SLC24A2: variants seen among roughly 807,000 people sequenced by gnomAD.
SLC24A2 encodes the protein sodium/potassium/calcium exchanger 2.
A neutral mutation model predicts 62.0 loss-of-function variants in SLC24A2; 36 were observed. That is an observed-to-expected ratio of 0.58 (90% confidence interval 0.44 to 0.77). The LOEUF is 0.77. Ranked by LOEUF, SLC24A2 falls within the 30% of genes least tolerant of loss-of-function variation. The pLI, the probability that SLC24A2 is intolerant of heterozygous loss-of-function variation, is 0.00. For missense variants in SLC24A2, 846 were observed against 817.9 expected (o/e 1.03, Z -0.42); for synonymous variants, 358 against 294.0 (o/e 1.22, Z -2.23).
In SLC24A2 at chr9:19,530,297, C is replaced by G. The variant is rs187145230; in HGVS notation, c.1480-2159G>C. 7.2e-5 allele frequency among the ~76,000 whole-genome samples: 11 copies of G among 152,162 alleles called. No individual in the cohort carries two copies. In the East Asian group the frequency reaches 1.4e-3, roughly 19 times the overall value. On this transcript the variant is annotated intron_variant, in intron 8 of 10. Transcript: ENST00000341998. ...TACAGGAAAGAGAAGAACCCTCTTGCCACGTGGGGTCACGTGTGTGATTAG... is the reference window on the plus strand; with the variant it reads ...TACAGGAAAGAGAAGAACCCTCTTGGCACGTGGGGTCACGTGTGTGATTAG...
chr9:20,258,017 C>T, the SLC24A2 span, among the ~76,000 whole-genome samples: 2 of 152,080 alleles, frequency 1.3e-5, no homozygotes, highest in Non-Finnish European at 2.9e-5. Context: ...CAATAGTGTC[C>T]TTACCTTAAA....
the SLC24A2 span, among the ~76,000 whole-genome samples, chr9:20,149,876 C>T: frequency 6.6e-6 from 1 of 151,920 alleles, no homozygotes; most frequent in African/African-American, 2.4e-5. Context: ...GCTACGGATA[C>T]AGCCCCTTCC....
chr9:19,721,668 C>T (rs1284299326), intron 2 of SLC24A2, among the ~76,000 whole-genome samples: 2 of 152,118 alleles, frequency 1.3e-5, no homozygotes, highest in Admixed American at 1.3e-4. Flanking sequence ...ATTTCAGATG[C>T]TTTATGTGTC....
chr9:19,816,964 C>G, the SLC24A2 span, among the ~76,000 whole-genome samples: 4 of 152,064 alleles, frequency 2.6e-5, no homozygotes, highest in Non-Finnish European at 5.9e-5. Context: ...CCATGATGTA[C>G]CACAGCATGT....
intron 8 of SLC24A2, among the ~76,000 whole-genome samples, chr9:19,537,311 T>C (rs1463314777): frequency 3.1e-5 from 4 of 130,324 alleles, no homozygotes; most frequent in African/African-American, 1.2e-4. Context: ...GCCTAGGTTT[T>C]CTTCTAGGGT....
At chr9:19,558,713 C>CACA (rs1403751766) in intron 7 of SLC24A2, among the ~76,000 whole-genome samples, 1 of 152,186 alleles carries the variant, frequency 6.6e-6, no homozygotes, top group African/African-American at 2.4e-5. Context: ...GAAGAATATG[C>CACA]ACAACAAAAA....
intron 7 of SLC24A2, among the ~76,000 whole-genome samples, chr9:19,566,988 T>A (rs1835677751): frequency 6.6e-6 from 1 of 150,436 alleles, no homozygotes; most frequent in South Asian, 2.1e-4. Flanking sequence ...ATGGAAAGCA[T>A]TAGGAGATAT....
At chr9:19,713,647 T>C (rs532359823) in intron 2 of SLC24A2, among the ~76,000 whole-genome samples, 8 of 152,176 alleles carry the variant, frequency 5.3e-5, no homozygotes, top group Non-Finnish European at 1.2e-4. Context: ...TTTTCCTTCA[T>C]AGTTATAAAT....
At chr9:19,796,612 A>G in the SLC24A2 span, among the ~76,000 whole-genome samples, 3 of 152,034 alleles carry the variant, frequency 2.0e-5, no homozygotes, top group Admixed American at 2.0e-4. Context: ...CCACTCCCAT[A>G]CTCTATTTTC....
At chr9:19,939,534 C>T in the SLC24A2 span, among the ~76,000 whole-genome samples, 9 of 152,180 alleles carry the variant, frequency 5.9e-5, no homozygotes, top group Non-Finnish European at 1.0e-4. Context: ...GCTTGCAGGA[C>T]TGGAAGGTGC....
At chr9:19,975,209 C>T in the SLC24A2 span, among the ~76,000 whole-genome samples, 1 of 152,132 alleles carries the variant, frequency 6.6e-6, no homozygotes, top group Non-Finnish European at 1.5e-5. Flanking sequence ...CCTAGCTTAG[C>T]TTTTTTGGGC....
chr9:19,561,654 C>T (rs200686401), intron 7 of SLC24A2, among the ~76,000 whole-genome samples: 2 of 151,128 alleles, frequency 1.3e-5, no homozygotes, highest in South Asian at 2.1e-4. Flanking sequence ...ATGGTCTTGA[C>T]CTCCTGACCT....
At chr9:20,088,410 C>G in the SLC24A2 span, among the ~76,000 whole-genome samples, 2 of 152,270 alleles carry the variant, frequency 1.3e-5, no homozygotes, top group East Asian at 3.9e-4. Context: ...TCCTCCGACA[C>G]AGTGCAGCAG....
chr9:19,542,377 A>G (rs1020360654), intron 8 of SLC24A2, among the ~76,000 whole-genome samples: 2 of 152,194 alleles, frequency 1.3e-5, no homozygotes, highest in Admixed American at 6.5e-5. Flanking sequence ...CAATCATGTC[A>G]TCTGCAAACA....
At chr9:20,004,868 A>G in the SLC24A2 span, among the ~76,000 whole-genome samples, 1 of 151,880 alleles carries the variant, frequency 6.6e-6, no homozygotes. Flanking sequence ...TGTAAAGAGG[A>G]GATTTCTGAA....
chr9:20,300,908 CA>C, the SLC24A2 span, among the ~76,000 whole-genome samples: 1 of 152,164 alleles, frequency 6.6e-6, no homozygotes, highest in African/African-American at 2.4e-5. Context: ...CCTGCTGTTG[CA>C]AACCCTTTTG....
At chr9:20,238,474 G>C in the SLC24A2 span, among the ~76,000 whole-genome samples, 1 of 152,116 alleles carries the variant, frequency 6.6e-6, no homozygotes, top group Admixed American at 6.5e-5. Context: ...AAAGCAAAGG[G>C]GTTCATGCTT....
intron 2 of SLC24A2, among the ~76,000 whole-genome samples, chr9:19,767,891 A>C (rs1219405194): frequency 6.6e-6 from 1 of 152,186 alleles, no homozygotes; most frequent in Non-Finnish European, 1.5e-5. Flanking sequence ...GGAGGCTGCA[A>C]AGTCCAAGGT....
chr9:20,278,737 A>AT, the SLC24A2 span, among the ~76,000 whole-genome samples: 5 of 152,118 alleles, frequency 3.3e-5, no homozygotes, highest in African/African-American at 1.2e-4. Flanking sequence ...ACATTTTCCT[A>AT]TCTTCTGAGC....
Sources: gnomAD v4.1 joint callset for allele counts (sites outside exome capture counted in the v4.1 genomes callset) on GRCh38, gnomAD v4.1.1 for gene constraint, MANE v1.5 for transcripts, NCBI Gene and HGNC (gene_info 2026-07-23, HGNC 2026-07-21) for gene names.